CENPA: variants seen among roughly 807,000 people sequenced by gnomAD.
The protein encoded by CENPA is centromere protein A, also known as histone H3-like centromeric protein A.
CENPA carries 7 observed loss-of-function variants against 17.2 expected under a neutral mutation model. The ratio of observed to expected loss-of-function variants is 0.41; its 90% CI spans 0.23 to 0.76. The LOEUF (loss-of-function observed/expected upper bound fraction) is 0.76, where lower values mean the gene tolerates loss of function less well. Ranked by LOEUF, CENPA falls within the 30% of genes least tolerant of loss-of-function variation. The pLI, the probability that CENPA is intolerant of heterozygous loss-of-function variation, is 0.34. For synonymous variants in CENPA, 82 were observed against 77.4 expected (o/e 1.06, Z -0.31); for missense variants, 149 against 193.1 (o/e 0.77, Z 1.35).
chr2:26,793,101 G>A (rs2289018), intron 3 of CENPA, 44 bp from the exon 4 acceptor site: 524,296 of 1,608,926 alleles, frequency 0.33, 87,929 homozygotes, highest in Non-Finnish European at 0.35. Context: ...AAAGCAGCCC[G>A]TGGCCCTTCA....
At position 26,792,088 on chromosome 2, in the gene CENPA, G is replaced by C. The variant is rs559699683; in HGVS notation, c.101-43G>C. The C allele has an allele frequency of 2.2e-5, 35 of 1,555,808 alleles. No individual in the cohort carries two copies. The Admixed American group carries it at 5.7e-4, about 25-fold the overall frequency. On this transcript the variant is annotated intron_variant, in intron 1 of 4. Coordinates refer to ENST00000335756, the MANE Select transcript of CENPA (RefSeq NM_001809.4). ...CTTACCTGACTCAGCCAAGCTGCGA[G>C]GCACCACCTATTTTCCACTGAACTT...
At position 26,786,073 on chromosome 2, in the gene CENPA, C is replaced by T. The variant is rs1369939494; in HGVS notation, c.-124C>T. On this transcript the variant is annotated 5_prime_UTR_variant, in exon 1 of 5. Transcript: ENST00000335756. ...AGCGGCGCGGACTTCTGCCAAGCAC[C>T]GGCTCATGTGAGGCTCGCGGCACAG... is the stretch of plus-strand genomic sequence containing the variant. 21 of 1,252,468 alleles carry T rather than the reference C, an allele frequency of 1.7e-5. No homozygotes were observed. Among genetic ancestry groups the T allele is most frequent in the East Asian group, 9.6e-5 (3 of 31,100 alleles). 77.6% of individuals were successfully genotyped at this position (1,252,468 alleles called of 1,614,324 possible).
chr2:26,793,085 C>T (rs931697735), intron 3 of CENPA, 60 bp from the exon 4 acceptor site: 2 of 1,586,712 alleles, frequency 1.3e-6, no homozygotes, highest in Non-Finnish European at 1.7e-6. Flanking sequence ...AGCAGGTTTC[C>T]AAAAAAAAGC....
Position 26,793,219 on chromosome 2 carries a change from C to T in CENPA, c.363C>T (p.Leu121=), listed in dbSNP as rs1572642640. 4.3e-6 allele frequency: 7 copies of T among 1,614,178 alleles called. No homozygotes were observed. The East Asian group carries it at 1.3e-4, about 31-fold the overall frequency. ...CCTTACATGCAGGCCGAGTTACTCT[C>T]TTCCCAAAGGATGTGCAACTGGCCC... ...LLTLHAGRVT[L]FPKDVQLARR... Residue 121 remains leucine (L), a synonymous_variant, in exon 4 of 5, where the codon CTC becomes CTT. Coordinates refer to ENST00000335756, the MANE Select transcript of CENPA (RefSeq NM_001809.4).
chr2:26,794,071 A>G lies in CENPA; in HGVS notation c.*307A>G, dbSNP rs2148069040. Reference sequence around the variant, plus strand: ...TAGTTTGTGAGTTACTCATGTGACTATTTGAGGATTTTGAAAACATCAGAT... The same window carrying G: ...TAGTTTGTGAGTTACTCATGTGACTGTTTGAGGATTTTGAAAACATCAGAT... On this transcript the variant is annotated 3_prime_UTR_variant, in exon 5 of 5. Coordinates refer to ENST00000335756, the MANE Select transcript of CENPA (RefSeq NM_001809.4). The G allele has an allele frequency of 6.6e-6, 1 of 152,380 alleles. No homozygotes were observed. The highest frequency in any genetic ancestry group is 2.1e-4 in the South Asian group (1 of 4,832). 9.4% of individuals were successfully genotyped at this position (152,380 alleles called of 1,614,324 possible). A position where few individuals can be genotyped will look rare whatever the true frequency, so the allele number is the denominator to read the frequency against.
At chr2:26,787,535 T>G (rs1664533661) in intron 1 of CENPA, among the ~76,000 whole-genome samples, 1 of 136,316 alleles carries the variant, frequency 7.3e-6, no homozygotes, top group African/African-American at 3.3e-5. Context: ...TTTTTTGTTG[T>G]TTTTTTTTTG....
chr2:26,791,274 G>A (rs1347150737), intron 1 of CENPA, among the ~76,000 whole-genome samples: 1 of 152,160 alleles, frequency 6.6e-6, no homozygotes, highest in Non-Finnish European at 1.5e-5. Context: ...TATCTCATAA[G>A]TTTTGGGATA....
In CENPA at chr2:26,792,250, G is replaced by A. The variant is rs13014800; in HGVS notation, c.210+10G>A. ...GCCCTTCAGCCGCCTGGTAAGCTCC[G>A]GGAGCTTCCCACCAACCCCTATGCC... is the stretch of plus-strand genomic sequence containing the variant. On this transcript the variant is annotated intron_variant, in intron 2 of 4. Coordinates refer to ENST00000335756, the MANE Select transcript of CENPA (RefSeq NM_001809.4). 523,844 of 1,606,212 alleles carry A rather than the reference G, an allele frequency of 0.33. 87,669 individuals carry two copies. Among genetic ancestry groups the A allele is most frequent in the Non-Finnish European group, 0.35 (406,851 of 1,174,692 alleles).
At position 26,786,277 on chromosome 2, in the gene CENPA, C is replaced by A; in HGVS notation, c.81C>A (p.Ser27=). ...GCCCGACCCCGACCCCCGGCCCCTC[C>A]CGGCGGGGCCCCTCCTTAGGTAACC... ...SPSPTPTPGP[S]RRGPSLGASS... Residue 27 remains serine, a synonymous_variant, in exon 1 of 5, where the codon TCC becomes TCA. Coordinates refer to ENST00000335756, the MANE Select transcript of CENPA (RefSeq NM_001809.4). The A allele has an allele frequency of 7.4e-7, 1 of 1,343,646 alleles. No homozygotes were observed. The highest frequency in any genetic ancestry group is 9.5e-7 in the Non-Finnish European group (1 of 1,052,890). The allele number at this position is 1,343,646 out of a possible 1,614,324, so 83.2% of individuals were successfully genotyped here.
At chr2:26,788,146 C>G (rs1664546014) in intron 1 of CENPA, among the ~76,000 whole-genome samples, 1 of 150,722 alleles carries the variant, frequency 6.6e-6, no homozygotes, top group African/African-American at 2.5e-5. Flanking sequence ...CCACCTTTGT[C>G]TGGTATTCTT....
At chr2:26,789,162 C>T (rs1213301169) in intron 1 of CENPA, among the ~76,000 whole-genome samples, 1 of 152,140 alleles carries the variant, frequency 6.6e-6, no homozygotes, top group African/African-American at 2.4e-5. Flanking sequence ...TCCAATCTGA[C>T]TCCCCACAAC....
rs1180033362 is a variant in CENPA at position 26,787,368 on chromosome 2, A to G, written c.100+1072A>G. On this transcript the variant is annotated intron_variant, in intron 1 of 4. Transcript: ENST00000335756. ...GTAGCTGGGACTACAGGCGCCTACCACCACGCCCGGCTAATTTTTTGTATT... is the reference window on the plus strand; with the variant it reads ...GTAGCTGGGACTACAGGCGCCTACCGCCACGCCCGGCTAATTTTTTGTATT... Among the ~76,000 whole-genome samples the G allele has an allele frequency of 2.0e-5, 3 of 151,664 alleles. No homozygotes were observed. In the East Asian group the frequency reaches 5.9e-4, roughly 30 times the overall value.
Position 26,793,352 on chromosome 2 carries a change from T to C in CENPA, c.*47+26T>C. 7.0e-6 allele frequency: 11 copies of C among 1,563,342 alleles called. No individual in the cohort carries two copies. The Admixed American group carries it at 1.9e-4, about 27-fold the overall frequency. On this transcript the variant is annotated intron_variant, in intron 4 of 4. Coordinates refer to ENST00000335756, the MANE Select transcript of CENPA (RefSeq NM_001809.4). ...GTAAGCTCATCCTCTTTCACAGGAC[T>C]GGGGCTGGAATTTCTCAAGTAATTT...
At chr2:26,793,378 C>T (rs1664655553) in intron 4 of CENPA, 52 bp downstream of exon 4, 2 of 1,500,916 alleles carry the variant, frequency 1.3e-6, no homozygotes, top group African/African-American at 2.8e-5. Context: ...CAAGTAATTT[C>T]CTTTCTCCAT....
chr2:26,786,345 G>C, intron 1 of CENPA, 49 bp downstream of exon 1: 1 of 1,286,988 alleles, frequency 7.8e-7, no homozygotes, highest in Non-Finnish European at 9.8e-7. Flanking sequence ...GAGGCTCGCA[G>C]GCGGAGCCCG....
At position 26,792,745 on chromosome 2, in the gene CENPA, C is replaced by G; in HGVS notation, c.211-11C>G. The G allele has an allele frequency of 6.3e-7, 1 of 1,595,986 alleles. No individual in the cohort carries two copies. Among genetic ancestry groups the G allele is most frequent in the Non-Finnish European group, 8.6e-7 (1 of 1,168,500 alleles). ...CTACTCCTACTCCTCCCCTTCCCCA[C>G]TCCTTCACAGGCAAGAGAAATATGT... On this transcript the variant is annotated splice_polypyrimidine_tract_variant and intron_variant, in intron 2 of 4. Coordinates refer to ENST00000335756, the MANE Select transcript of CENPA (RefSeq NM_001809.4).
intron 1 of CENPA, among the ~76,000 whole-genome samples, chr2:26,791,856 C>T (rs1298345532): frequency 6.6e-6 from 1 of 152,336 alleles, no homozygotes; most frequent in East Asian, 1.9e-4. Flanking sequence ...ATCATTCACT[C>T]ATTCATTTAA....
At chr2:26,792,653 G>A (rs1301247281) in intron 2 of CENPA, 103 bp from the exon 3 acceptor site, 1 of 1,035,698 alleles carries the variant, frequency 9.7e-7, no homozygotes, top group African/African-American at 1.6e-5. Context: ...AAAAAATAAT[G>A]GAAAGGAAGA....
In CENPA at chr2:26,794,561, A is replaced by T. The variant is rs1664680319; in HGVS notation, c.*797A>T. On this transcript the variant is annotated 3_prime_UTR_variant, in exon 5 of 5. Coordinates refer to ENST00000335756, the MANE Select transcript of CENPA (RefSeq NM_001809.4). ...ATTTTTGTAGTTTCTTTGTAGAGAG[A>T]TAATAAAAATCAAAATATTTAATGA... The T allele has an allele frequency of 6.6e-6, 1 of 152,206 alleles. No homozygotes were observed. Among genetic ancestry groups the T allele is most frequent in the Non-Finnish European group, 1.5e-5 (1 of 68,062 alleles). The allele number at this position is 152,206 out of a possible 1,614,324, so 9.4% of individuals were successfully genotyped here.
Sources: allele counts gnomAD v4.1 joint callset (sites outside exome capture counted in the v4.1 genomes callset), GRCh38; gene constraint gnomAD v4.1.1; transcripts MANE v1.5; gene names NCBI Gene and HGNC (gene_info 2026-07-23, HGNC 2026-07-21).